The following MAGI2 variants were observed in gnomAD, a reference collection of about 807,000 sequenced individuals.
MAGI2 encodes the protein membrane associated guanylate kinase, WW and PDZ domain containing 2.
In MAGI2, 35 loss-of-function variants were observed where a neutral mutation model predicts 133.3. That is an observed-to-expected ratio of 0.26 (90% CI 0.20 to 0.35). MAGI2 has a LOEUF of 0.35. MAGI2 is among the 10% of genes least tolerant of loss of function. The probability of loss-of-function intolerance (pLI) is 1.00; values close to 1 mark genes in which losing one functional copy is unlikely to be tolerated. For synonymous variants in MAGI2, 729 were observed against 710.6 expected (o/e 1.03, Z -0.41); for missense variants, 1,636 against 1,863.4 (o/e 0.88, Z 2.25).
intron 5 of MAGI2, among the ~76,000 whole-genome samples, chr7:78,492,522 C>T (rs1793717577): frequency 1.3e-5 from 2 of 152,126 alleles, no homozygotes; most frequent in African/African-American, 4.8e-5. Context: ...ACAGACCAAC[C>T]AGCTCTTCTA....
chr7:78,290,673 T>TC (rs1796611806), intron 9 of MAGI2, among the ~76,000 whole-genome samples: 1 of 152,162 alleles, frequency 6.6e-6, no homozygotes, highest in Admixed American at 6.5e-5. Context: ...TTGCACTTAT[T>TC]CCAAAATTGA....
intron 1 of MAGI2, among the ~76,000 whole-genome samples, chr7:79,313,102 A>G (rs1235616792): frequency 6.6e-6 from 1 of 151,972 alleles, no homozygotes; most frequent in African/African-American, 2.4e-5. Flanking sequence ...CCTACTTTAA[A>G]GATTGTTTTA....
chr7:78,221,850 G>A (rs1200104919), intron 10 of MAGI2, among the ~76,000 whole-genome samples: 1 of 151,310 alleles, frequency 6.6e-6, no homozygotes, highest in Non-Finnish European at 1.5e-5. Context: ...TGCCTAGGCT[G>A]GTCTTGAACT....
intron 2 of MAGI2, among the ~76,000 whole-genome samples, chr7:78,962,160 GT>G (rs1265560121): frequency 1.3e-5 from 2 of 151,906 alleles, no homozygotes; most frequent in Non-Finnish European, 2.9e-5. Flanking sequence ...TCCACTCCTA[GT>G]TTTCTATCTG....
chr7:78,932,943 TGCTG>T (rs1202536903), intron 2 of MAGI2, among the ~76,000 whole-genome samples: 1 of 152,146 alleles, frequency 6.6e-6, no homozygotes, highest in Non-Finnish European at 1.5e-5. Flanking sequence ...TGAATAACTG[TGCTG>T]GGATATGCTA....
At chr7:79,250,012 A>G (rs960923083) in intron 1 of MAGI2, among the ~76,000 whole-genome samples, 2 of 152,150 alleles carry the variant, frequency 1.3e-5, no homozygotes, top group East Asian at 1.9e-4. Context: ...AAATCAATCA[A>G]TGTGATACAC....
chr7:78,704,720 T>C (rs1392251887), intron 2 of MAGI2, among the ~76,000 whole-genome samples: 1 of 150,656 alleles, frequency 6.6e-6, no homozygotes, highest in Non-Finnish European at 1.5e-5. Flanking sequence ...TATGCAGCCA[T>C]GAAAAACAAG....
chr7:79,395,591 A>C (rs1844990150), intron 1 of MAGI2, among the ~76,000 whole-genome samples: 2 of 152,200 alleles, frequency 1.3e-5, no homozygotes, highest in African/African-American at 4.8e-5. Flanking sequence ...TTAGAATATC[A>C]GCTCCCATTT....
At position 79,007,077 on chromosome 7, in the gene MAGI2, C is replaced by T. The variant is rs1315681640; in HGVS notation, c.418+13G>A. The T allele has an allele frequency of 2.0e-6, 3 of 1,525,118 alleles. No homozygotes were observed. The highest frequency in any genetic ancestry group is 2.7e-6 in the Non-Finnish European group (3 of 1,115,272). 94.5% of individuals were successfully genotyped at this position (1,525,118 alleles called of 1,614,324 possible). On this transcript the variant is annotated intron_variant, in intron 2 of 21. Transcript: ENST00000354212. The stretch of plus-strand genomic sequence containing the variant: ...CTCAACATAAAAATATTAATACTGC[C>T]CATTGTACTCACATGGCACCGTGCG...
chr7:78,410,842 A>C (rs1797804772), intron 6 of MAGI2, among the ~76,000 whole-genome samples: 1 of 152,028 alleles, frequency 6.6e-6, no homozygotes, highest in African/African-American at 2.4e-5. Flanking sequence ...AAGATAATAA[A>C]AATCAAAAAG....
At chr7:79,126,715 T>C (rs1278093363) in intron 1 of MAGI2, among the ~76,000 whole-genome samples, 1 of 152,072 alleles carries the variant, frequency 6.6e-6, no homozygotes, top group Non-Finnish European at 1.5e-5. Context: ...CTTTCTCATC[T>C]CCCTTTTTTG....
chr7:79,311,074 C>T (rs1400746921), intron 1 of MAGI2, among the ~76,000 whole-genome samples: 1 of 152,042 alleles, frequency 6.6e-6, no homozygotes, highest in Non-Finnish European at 1.5e-5. Flanking sequence ...AATTTTCCTA[C>T]TTCCATATTT....
intron 21 of MAGI2, among the ~76,000 whole-genome samples, chr7:78,029,647 G>A (rs1402323624): frequency 2.0e-5 from 3 of 152,242 alleles, no homozygotes; most frequent in African/African-American, 7.2e-5. Flanking sequence ...AGAACAGTCT[G>A]CAAACGACTG....
chr7:78,294,113 C>T (rs1191039087), intron 9 of MAGI2, among the ~76,000 whole-genome samples: 1 of 151,978 alleles, frequency 6.6e-6, no homozygotes, highest in Non-Finnish European at 1.5e-5. Flanking sequence ...AAATACTTGC[C>T]ATTTTCTTTA....
chr7:78,658,340 A>G (rs1812532521), intron 2 of MAGI2, among the ~76,000 whole-genome samples: 1 of 152,200 alleles, frequency 6.6e-6, no homozygotes, highest in African/African-American at 2.4e-5. Flanking sequence ...ATTAACTCAA[A>G]TGGATTATGG....
At chr7:78,216,461 A>C (rs1788280400) in intron 10 of MAGI2, among the ~76,000 whole-genome samples, 1 of 152,182 alleles carries the variant, frequency 6.6e-6, no homozygotes, top group African/African-American at 2.4e-5. Flanking sequence ...AACAAAGTGA[A>C]AATCCTTTGT....
chr7:79,393,268 A>C lies in MAGI2; in HGVS notation c.301+59752T>G, dbSNP rs573610257. ...AACAACAGTTTAAGAACTCTACATC[A>C]GAGAGACTGCATAAGTAAAATGGTA... On this transcript the variant is annotated intron_variant, in intron 1 of 21. Transcript: ENST00000354212. 1.1e-4 allele frequency among the ~76,000 whole-genome samples: 16 copies of C among 152,310 alleles called. 1 individual carries two copies. Among genetic ancestry groups the C allele is most frequent in the African/African-American group, 3.4e-4 (14 of 41,580 alleles).
chr7:78,067,230 A>G (rs1220990619), intron 21 of MAGI2, among the ~76,000 whole-genome samples: 2 of 152,214 alleles, frequency 1.3e-5, no homozygotes, highest in South Asian at 2.1e-4. Context: ...TTTCAGTGTC[A>G]CACAGCGAAG....
At chr7:78,783,011 CCTTT>C (rs1826516781) in intron 2 of MAGI2, among the ~76,000 whole-genome samples, 1 of 123,698 alleles carries the variant, frequency 8.1e-6, no homozygotes, top group Non-Finnish European at 1.7e-5. Flanking sequence ...ATGATTCTTA[CCTTT>C]TTTTTTTTTT....
Sources: gnomAD v4.1 joint callset for allele counts (sites outside exome capture counted in the v4.1 genomes callset) on GRCh38, gnomAD v4.1.1 for gene constraint, MANE v1.5 for transcripts, NCBI Gene and HGNC (gene_info 2026-07-23, HGNC 2026-07-21) for gene names.